TTBK2: variants seen among roughly 807,000 people sequenced by gnomAD.
TTBK2 encodes tau tubulin kinase 2.
In TTBK2, 28 loss-of-function variants were observed where a neutral mutation model predicts 110.8. The observed-to-expected ratio is 0.25, with a 90% CI of 0.19 to 0.35. The LOEUF is 0.35. Among genes scored for constraint, TTBK2 ranks in the 10% least tolerant of loss-of-function variants. The pLI is 1.00. For missense variants in TTBK2, 1,369 were observed against 1,500.3 expected, an observed-to-expected ratio of 0.91 and a Z score of 1.45; for synonymous variants, 532 against 527.3, an observed-to-expected ratio of 1.01 and a Z score of -0.12.
intron 2 of TTBK2, 65 bp from the exon 3 acceptor site, chr15:42,872,823 ATC>A: frequency 6.4e-7 from 1 of 1,572,988 alleles, no homozygotes; most frequent in Non-Finnish European, 8.7e-7. Flanking sequence ...AAAGCAATTG[ATC>A]TCTTATATTT....
intron 1 of TTBK2, among the ~76,000 whole-genome samples, chr15:42,912,111 G>T (rs1376573060): frequency 6.6e-6 from 1 of 152,178 alleles, no homozygotes; most frequent in Non-Finnish European, 1.5e-5. Context: ...CGTGAAAAGG[G>T]TGCTTATTGG....
chr15:42,770,074 G>C (rs1196241399), intron 13 of TTBK2, among the ~76,000 whole-genome samples: 1 of 145,148 alleles, frequency 6.9e-6, no homozygotes, highest in Non-Finnish European at 1.5e-5. Flanking sequence ...GACACAGGGT[G>C]GGGAACATCA....
chr15:42,872,812 G>C, intron 2 of TTBK2, 54 bp from the exon 3 acceptor site: 1 of 1,596,676 alleles, frequency 6.3e-7, no homozygotes, highest in Non-Finnish European at 8.6e-7. Flanking sequence ...ATTCTAACTT[G>C]AAAGCAATTG....
At chr15:42,821,812 C>T (rs1892317053) in intron 6 of TTBK2, among the ~76,000 whole-genome samples, 1 of 151,938 alleles carries the variant, frequency 6.6e-6, no homozygotes, top group African/African-American at 2.4e-5. Flanking sequence ...GCCTCAGCCT[C>T]CCAAGTAGCT....
At chr15:42,795,447 G>A (rs1450136073) in intron 9 of TTBK2, among the ~76,000 whole-genome samples, 1 of 151,834 alleles carries the variant, frequency 6.6e-6, no homozygotes. Context: ...TCTCATAAAA[G>A]GCCTCTATTG....
In TTBK2 at chr15:42,777,155, C is replaced by T. The variant is rs1889962182; in HGVS notation, c.1285G>A (p.Glu429Lys). ...ATATCTCTGTCTGGCTGAGTAATCT[C>T]TGAGCGGACACGAATTGGTGACCCA... is the stretch of plus-strand genomic sequence containing the variant. ...SLGSPIRVRS[E>K]ITQPDRDIPL... Residue 429 changes from glutamate to lysine, a missense_variant, in exon 12 of 15, where the codon GAG becomes AAG. Physicochemically the swap from Glu to Lys is moderately conservative, Grantham distance 56. This residue lies in a region of TTBK2 where 1,097 missense variants were observed against 1,114.7 expected (regional missense o/e 0.98). Transcript: ENST00000267890. The T allele has an allele frequency of 6.2e-7, 1 of 1,614,184 alleles. No homozygotes were observed. The highest frequency in any genetic ancestry group is 8.5e-7 in the Non-Finnish European group (1 of 1,180,040).
At chr15:42,831,022 A>ATGTGTGTG (rs67420749) in intron 4 of TTBK2, among the ~76,000 whole-genome samples, 3 of 145,448 alleles carry the variant, frequency 2.1e-5, no homozygotes, top group African/African-American at 7.6e-5. Flanking sequence ...AAATGTATAT[A>ATGTGTGTG]TGTGTGTGTG....
At chr15:42,812,055 GT>G (rs1367867516) in intron 7 of TTBK2, among the ~76,000 whole-genome samples, 1 of 152,150 alleles carries the variant, frequency 6.6e-6, no homozygotes, top group Non-Finnish European at 1.5e-5. Flanking sequence ...TAGTTAATGT[GT>G]TCATTTAGAA....
At chr15:42,794,875 C>A in intron 9 of TTBK2, 74 bp from the exon 10 acceptor site, 1 of 1,575,300 alleles carries the variant, frequency 6.3e-7, no homozygotes, top group Non-Finnish European at 8.7e-7. Flanking sequence ...AGAAAGCACA[C>A]CAGACTCATA....
At chr15:42,780,180 C>T (rs1314953049) in intron 11 of TTBK2, among the ~76,000 whole-genome samples, 1 of 143,566 alleles carries the variant, frequency 7.0e-6, no homozygotes, top group Non-Finnish European at 1.5e-5. Context: ...TGCCAACATG[C>T]CCGGCTAACT....
At chr15:42,852,873 G>C (rs957967102) in intron 3 of TTBK2, among the ~76,000 whole-genome samples, 90 of 152,320 alleles carry the variant, frequency 5.9e-4, no homozygotes, top group African/African-American at 2.0e-3. Flanking sequence ...ATAAACAAAA[G>C]AGTAGATTAT....
rs547473186 is a variant in TTBK2 at position 42,821,143 on chromosome 15, G to T, written c.538-4046C>A. ...AAGAAAGGTATAGAATGTATATCAT[G>T]CTACCTTTTGAATCAAAAAGGGAAA... On this transcript the variant is annotated intron_variant, in intron 6 of 14. Coordinates refer to ENST00000267890, the MANE Select transcript of TTBK2 (RefSeq NM_173500.4). Among the ~76,000 whole-genome samples the T allele has an allele frequency of 2.0e-5, 3 of 152,246 alleles. No homozygotes were observed. In the East Asian group the frequency reaches 5.8e-4, roughly 29 times the overall value.
At chr15:42,758,703 C>T (rs2061981053) in intron 13 of TTBK2, among the ~76,000 whole-genome samples, 1 of 151,498 alleles carries the variant, frequency 6.6e-6, no homozygotes, top group African/African-American at 2.4e-5. Context: ...CATGGAGGCA[C>T]CCAGCCTCTG....
intron 8 of TTBK2, among the ~76,000 whole-genome samples, chr15:42,811,380 A>C (rs148824206): frequency 1.3e-3 from 199 of 152,270 alleles, no homozygotes; most frequent in African/African-American, 4.7e-3. Flanking sequence ...TAATATGACA[A>C]TCAAAAACTA....
chr15:42,909,976 G>A (rs1454285608), intron 1 of TTBK2, among the ~76,000 whole-genome samples: 8 of 151,916 alleles, frequency 5.3e-5, no homozygotes, highest in Admixed American at 3.3e-4. Flanking sequence ...AACAACACAG[G>A]GAGATCCCAT....
intron 1 of TTBK2, among the ~76,000 whole-genome samples, chr15:42,911,440 A>C (rs1348840411): frequency 6.6e-6 from 1 of 152,228 alleles, no homozygotes; most frequent in East Asian, 1.9e-4. Flanking sequence ...TGTCTCTAAC[A>C]AAAGAGGTAG....
In TTBK2 at chr15:42,741,762, C is replaced by A. The variant is rs950654165; in HGVS notation, c.*4033G>T. On this transcript the variant is annotated 3_prime_UTR_variant, in exon 15 of 15. Transcript: ENST00000267890. The stretch of plus-strand genomic sequence containing the variant: ...ACTTATCTGCAAATAAGTAAATTTT[C>A]AAACAGCCAGGGGAAAATGCATTTT... The A allele has an allele frequency of 6.6e-6, 1 of 152,162 alleles. No individual in the cohort carries two copies. Among genetic ancestry groups the A allele is most frequent in the Non-Finnish European group, 1.5e-5 (1 of 68,034 alleles). The allele number at this position is 152,162 out of a possible 1,614,324, so 9.4% of individuals were successfully genotyped here. A position where few individuals can be genotyped will look rare whatever the true frequency, so the allele number is the denominator to read the frequency against.
intron 4 of TTBK2, among the ~76,000 whole-genome samples, chr15:42,836,763 C>T (rs1275679891): frequency 1.2e-4 from 19 of 152,186 alleles, no homozygotes; most frequent in Admixed American, 1.2e-3. Context: ...TATAATTCTC[C>T]AGTCAATAGT....
chr15:42,871,387 T>C (rs770127954), intron 3 of TTBK2: 42 of 942,188 alleles, frequency 4.5e-5, no homozygotes, highest in Middle Eastern at 5.4e-4. Context: ...GAGTAAACCA[T>C]ACACAAAATA....
Sources: gnomAD v4.1 joint callset for allele counts (sites outside exome capture counted in the v4.1 genomes callset) on GRCh38, gnomAD v4.1.1 for gene constraint, gnomAD v4.1.1 regional missense constraint, MANE v1.5 for transcripts, NCBI Gene and HGNC (gene_info 2026-07-23, HGNC 2026-07-21) for gene names.